PIK3C2G: variants seen among roughly 807,000 people sequenced by gnomAD.
PIK3C2G encodes the protein phosphatidylinositol 3-kinase C2 domain-containing subunit gamma.
In PIK3C2G, 168 loss-of-function variants were observed where a neutral mutation model predicts 181.1. The ratio of observed to expected loss-of-function variants is 0.93; its 90% CI spans 0.82 to 1.05. The LOEUF (loss-of-function observed/expected upper bound fraction) is 1.05, where lower values mean the gene tolerates loss of function less well. PIK3C2G is among the 50% of genes least tolerant of loss of function. The pLI, the probability that PIK3C2G is intolerant of heterozygous loss-of-function variation, is 0.00. For synonymous variants in PIK3C2G, 573 were observed against 592.2 expected, an observed-to-expected ratio of 0.97 and a Z score of 0.47; for missense variants, 1,869 against 1,732.8, an observed-to-expected ratio of 1.08 and a Z score of -1.40.
At chr12:18,245,260 A>G (rs1948028010), upstream of PIK3C2G, among the ~76,000 whole-genome samples, 1 of 152,082 alleles carries the variant, frequency 6.6e-6, no homozygotes, top group Non-Finnish European at 1.5e-5. Flanking sequence ...CATGTTTTAG[A>G]ACCTCTCATT....
Position 18,612,120 on chromosome 12 carries a change from T to G in PIK3C2G, c.4182+2491T>G, listed in dbSNP as rs1390666201. Among the ~76,000 whole-genome samples the G allele has an allele frequency of 2.0e-5, 3 of 152,116 alleles. No individual in the cohort carries two copies. The East Asian group carries it at 5.8e-4, about 29-fold the overall frequency. On this transcript the variant is annotated intron_variant, in intron 31 of 32. Transcript: ENST00000538779. ...TCCAGCCACAGACTCCCTCAGTCAC[T>G]CCGTGCCAGCCTCAGTGCCTTCTTT... is the stretch of plus-strand genomic sequence containing the variant.
intron 5 of PIK3C2G, among the ~76,000 whole-genome samples, chr12:18,294,878 A>G (rs1419811054): frequency 6.6e-6 from 1 of 151,824 alleles, no homozygotes; most frequent in African/African-American, 2.4e-5. Flanking sequence ...TCTCATTGTC[A>G]CTGTCATTAT....
intron 29 of PIK3C2G, among the ~76,000 whole-genome samples, chr12:18,581,598 G>A (rs1219982449): frequency 6.6e-6 from 1 of 152,164 alleles, no homozygotes; most frequent in African/African-American, 2.4e-5. Context: ...CATTTACTGT[G>A]ATGGCAAAAA....
At chr12:18,710,802 G>A in the PIK3C2G span, among the ~76,000 whole-genome samples, 248 of 152,150 alleles carry the variant, frequency 1.6e-3, 1 homozygote, top group Non-Finnish European at 1.8e-3. Flanking sequence ...ATCACTGGCC[G>A]TCAGAGAAAT....
intron 31 of PIK3C2G, among the ~76,000 whole-genome samples, chr12:18,621,161 T>C (rs753979032): frequency 6.6e-6 from 1 of 151,602 alleles, no homozygotes; most frequent in Non-Finnish European, 1.5e-5. Context: ...AGGCTGAGTG[T>C]CAGGAAGTTT....
chr12:18,287,965 C>T (rs1304134317), intron 3 of PIK3C2G, among the ~76,000 whole-genome samples: 1 of 152,228 alleles, frequency 6.6e-6, no homozygotes, highest in African/African-American at 2.4e-5. Context: ...AGTTCGAGAC[C>T]AGCCTGGCCA....
chr12:18,711,802 G>A, the PIK3C2G span, among the ~76,000 whole-genome samples: 1 of 151,858 alleles, frequency 6.6e-6, no homozygotes, highest in East Asian at 1.9e-4. Flanking sequence ...GTGTACTTTG[G>A]TGTGAGTTCA....
At chr12:18,536,571 T>C (rs570442436) in intron 24 of PIK3C2G, among the ~76,000 whole-genome samples, 1 of 152,212 alleles carries the variant, frequency 6.6e-6, no homozygotes, top group Non-Finnish European at 1.5e-5. Flanking sequence ...AGTTCACAAA[T>C]GTGCCACCCT....
intron 24 of PIK3C2G, among the ~76,000 whole-genome samples, chr12:18,516,744 G>T (rs997385705): frequency 2.0e-5 from 3 of 151,752 alleles, no homozygotes; most frequent in African/African-American, 7.2e-5. Flanking sequence ...AGTCTAAATG[G>T]GGTTTTCTGA....
At chr12:18,481,288 C>T (rs1302766012) in intron 18 of PIK3C2G, among the ~76,000 whole-genome samples, 3 of 152,140 alleles carry the variant, frequency 2.0e-5, no homozygotes, top group African/African-American at 7.2e-5. Context: ...TTTGGGGGCT[C>T]ACCTATCCTG....
chr12:18,515,011 C>T (rs1239188357), intron 24 of PIK3C2G, among the ~76,000 whole-genome samples: 1 of 151,764 alleles, frequency 6.6e-6, no homozygotes, highest in African/African-American at 2.4e-5. Flanking sequence ...TGATTTGTGT[C>T]CTTGATTCTA....
chr12:18,596,251 CT>C (rs1459538055), intron 30 of PIK3C2G, among the ~76,000 whole-genome samples: 5 of 151,970 alleles, frequency 3.3e-5, no homozygotes, highest in African/African-American at 1.2e-4. Context: ...TGTAAATGTT[CT>C]GGCACAAGAA....
intron 29 of PIK3C2G, among the ~76,000 whole-genome samples, chr12:18,580,786 C>G (rs1192700184): frequency 6.6e-6 from 1 of 152,200 alleles, no homozygotes; most frequent in African/African-American, 2.4e-5. Context: ...TACTGTTCAA[C>G]TTTGATTTAA....
At chr12:18,651,393 A>C (rs1013578542), downstream of PIK3C2G, among the ~76,000 whole-genome samples, 1 of 152,050 alleles carries the variant, frequency 6.6e-6, no homozygotes, top group African/African-American at 2.4e-5. Context: ...CACCACTTTT[A>C]TCTTATGCAC....
At chr12:18,556,496 G>A (rs990256462) in intron 26 of PIK3C2G, among the ~76,000 whole-genome samples, 9 of 152,154 alleles carry the variant, frequency 5.9e-5, no homozygotes, top group African/African-American at 2.2e-4. Context: ...GCATAGTTGA[G>A]ATTTTTGTGA....
chr12:18,529,094 A>C (rs1943402252), intron 24 of PIK3C2G, among the ~76,000 whole-genome samples: 5 of 143,568 alleles, frequency 3.5e-5, no homozygotes, highest in Admixed American at 2.7e-4. Context: ...TAATCCCAAC[A>C]CAGCCTACGC....
At chr12:18,595,532 T>C (rs1172127800) in intron 30 of PIK3C2G, among the ~76,000 whole-genome samples, 3 of 152,148 alleles carry the variant, frequency 2.0e-5, no homozygotes, top group Non-Finnish European at 2.9e-5. Flanking sequence ...ATACTAATAC[T>C]CTTTGCCTTT....
chr12:18,642,251 T>C (rs183882409), intron 32 of PIK3C2G, among the ~76,000 whole-genome samples: 1 of 152,362 alleles, frequency 6.6e-6, no homozygotes, highest in East Asian at 1.9e-4. Flanking sequence ...ACATTTTACA[T>C]TTAAGTACAT....
rs112082392 is a variant in PIK3C2G, at chr12:18,525,393, C to CA, written c.3324-12752dup. Reference sequence around the variant, plus strand: ...GGGCAACAAAAGCAAAACCCCATCTCAAAAAAAAAAATCTGTATATCGAAG... The same window carrying CA: ...GGGCAACAAAAGCAAAACCCCATCTCAAAAAAAAAAAATCTGTATATCGAAG... On this transcript the variant is annotated intron_variant, in intron 24 of 32. Coordinates refer to ENST00000538779, the MANE Select transcript of PIK3C2G (RefSeq NM_001288772.2). Among the ~76,000 whole-genome samples, 114 of 145,624 alleles carry CA rather than the reference C, an allele frequency of 7.8e-4. 1 individual carries two copies. Among genetic ancestry groups the CA allele is most frequent in the African/African-American group, 1.8e-3 (73 of 40,146 alleles).
Sources: gnomAD v4.1 joint callset for allele counts (sites outside exome capture counted in the v4.1 genomes callset) on GRCh38, gnomAD v4.1.1 for gene constraint, MANE v1.5 for transcripts, NCBI Gene and HGNC (gene_info 2026-07-23, HGNC 2026-07-21) for gene names.